ATR: variants seen among roughly 807,000 people sequenced by gnomAD.
ATR encodes ATR checkpoint kinase, also known as serine/threonine-protein kinase ATR.
In ATR, 142 loss-of-function variants were observed where a neutral mutation model predicts 305.3. The observed-to-expected ratio is 0.47, with a 90% CI of 0.41 to 0.53. The LOEUF is 0.53. Ranked by LOEUF, ATR falls within the 20% of genes least tolerant of loss-of-function variation. The pLI is 0.00. For missense variants in ATR, 2,135 were observed against 3,133.1 expected, an observed-to-expected ratio of 0.68 and a Z score of 7.60; for synonymous variants, 1,050 against 1,068.1, an observed-to-expected ratio of 0.98 and a Z score of 0.33.
chr3:142,474,905 A>AT (rs200884364), intron 36 of ATR, among the ~76,000 whole-genome samples: 1 of 150,482 alleles, frequency 6.6e-6, no homozygotes, highest in Non-Finnish European at 1.5e-5. Flanking sequence ...TTCTATACAT[A>AT]TTTTTTTTTT....
At chr3:142,533,189 G>C (rs779413625) in intron 21 of ATR, among the ~76,000 whole-genome samples, 3 of 152,072 alleles carry the variant, frequency 2.0e-5, no homozygotes, top group Non-Finnish European at 4.4e-5. Flanking sequence ...TAGCTACTCA[G>C]GAGGCTGAAG....
intron 1 of ATR, among the ~76,000 whole-genome samples, chr3:142,570,843 C>T (rs1047360877): frequency 1.3e-5 from 2 of 152,142 alleles, no homozygotes; most frequent in African/African-American, 2.4e-5. Context: ...CTGAGAATAG[C>T]GGGTTCTTTC....
intron 16 of ATR, among the ~76,000 whole-genome samples, chr3:142,542,973 C>T (rs2034111078): frequency 1.3e-5 from 2 of 151,834 alleles, no homozygotes; most frequent in African/African-American, 2.4e-5. Context: ...TTATAGTCAC[C>T]ACGAAAAAAT....
rs2071394361 is a variant in ATR at position 142,474,806 on chromosome 3, A to G, written c.6222-4623T>C. Among the ~76,000 whole-genome samples the G allele has an allele frequency of 1.3e-5, 2 of 152,184 alleles. 1 individual carries two copies. Among genetic ancestry groups the G allele is most frequent in the South Asian group, 4.1e-4 (2 of 4,836 alleles). On this transcript the variant is annotated intron_variant, in intron 36 of 46. Coordinates refer to ENST00000350721, the MANE Select transcript of ATR (RefSeq NM_001184.4). Reference sequence around the variant, plus strand: ...GAGTGGGCATCTTTGTCTTAATCTTAGAGGAAAAGCTTTGAACTTTTCACC... The same window carrying G: ...GAGTGGGCATCTTTGTCTTAATCTTGGAGGAAAAGCTTTGAACTTTTCACC...
chr3:142,453,872 C>T (rs1290990998), intron 45 of ATR, among the ~76,000 whole-genome samples: 1 of 152,168 alleles, frequency 6.6e-6, no homozygotes, highest in Non-Finnish European at 1.5e-5. Context: ...TCTCTACGGC[C>T]GTGACACTAT....
chr3:142,488,069 G>C (rs553888600), intron 35 of ATR, among the ~76,000 whole-genome samples: 13 of 152,300 alleles, frequency 8.5e-5, no homozygotes, highest in African/African-American at 3.1e-4. Flanking sequence ...GGCTTCCTGT[G>C]AAGTTCAATC....
At chr3:142,517,788 G>A (rs1278884492) in intron 24 of ATR, among the ~76,000 whole-genome samples, 1 of 152,164 alleles carries the variant, frequency 6.6e-6, no homozygotes, top group Non-Finnish European at 1.5e-5. Context: ...TACTTCTTAT[G>A]AAGTATATGA....
chr3:142,563,851 C>T (rs1191719858), intron 3 of ATR, among the ~76,000 whole-genome samples: 1 of 152,198 alleles, frequency 6.6e-6, no homozygotes, highest in Non-Finnish European at 1.5e-5. Context: ...AAAAGTACTA[C>T]TCCACTGAAC....
intron 21 of ATR, among the ~76,000 whole-genome samples, chr3:142,530,984 T>C (rs1474261174): frequency 6.6e-6 from 1 of 152,196 alleles, no homozygotes; most frequent in African/African-American, 2.4e-5. Context: ...CTTCTTTTTT[T>C]ATACAGTCTC....
intron 46 of ATR, chr3:142,450,096 TG>T: frequency 3.2e-6 from 1 of 313,826 alleles, no homozygotes; most frequent in Non-Finnish European, 5.9e-6. Context: ...TGGTGCTGGG[TG>T]GGCTGGTGGG....
chr3:142,555,518 T>C (rs1360373020), intron 10 of ATR, among the ~76,000 whole-genome samples: 1 of 152,192 alleles, frequency 6.6e-6, no homozygotes, highest in Admixed American at 6.5e-5. Context: ...GTAATTTAAC[T>C]ATTTGAAGTT....
At chr3:142,548,324 T>C (rs1218737194) in intron 15 of ATR, among the ~76,000 whole-genome samples, 2 of 152,178 alleles carry the variant, frequency 1.3e-5, no homozygotes, top group Non-Finnish European at 2.9e-5. Flanking sequence ...ACAAGTTACC[T>C]AATCTAACCT....
intron 18 of ATR, among the ~76,000 whole-genome samples, chr3:142,539,047 A>C (rs1242268148): frequency 3.3e-5 from 5 of 152,188 alleles, no homozygotes; most frequent in Admixed American, 6.6e-5. Context: ...AGAGGGAAAA[A>C]GCAACCCTTA....
At chr3:142,543,919 C>T (rs1473766761) in intron 16 of ATR, among the ~76,000 whole-genome samples, 1 of 152,080 alleles carries the variant, frequency 6.6e-6, no homozygotes. Flanking sequence ...AATCCTCCTG[C>T]TTTGGCCTCT....
chr3:142,475,269 C>T (rs1030706203), intron 36 of ATR, among the ~76,000 whole-genome samples: 1 of 152,046 alleles, frequency 6.6e-6, no homozygotes, highest in Non-Finnish European at 1.5e-5. Context: ...CCACAACAGG[C>T]CCCAGTGTGT....
At position 142,550,150 on chromosome 3, in the gene ATR, A is replaced by G. The variant is rs143919996; in HGVS notation, c.2958T>C (p.Asp986=). Residue 986 remains aspartate, a synonymous_variant, in exon 14 of 47, where the codon GAT becomes GAC. Transcript: ENST00000350721. The part of the protein sequence containing the change: ...SEIANVFDFP[D]LNRFLTRTLQ... ...AACTTACAGTAAGAAAACGATTAAG[A>G]TCAGGAAAGTCGAAAACGTTGGCAA... 4.7e-5 allele frequency: 76 copies of G among 1,614,188 alleles called. No individual in the cohort carries two copies. The highest frequency in any genetic ancestry group is 5.8e-5 in the Non-Finnish European group (69 of 1,180,028).
Position 142,563,126 on chromosome 3 carries a change from A to C in ATR, c.293-17T>G. 3 of 1,593,142 alleles carry C rather than the reference A, an allele frequency of 1.9e-6. No individual in the cohort carries two copies. Among genetic ancestry groups the C allele is most frequent in the Non-Finnish European group, 2.6e-6 (3 of 1,171,814 alleles). ...TACTGAATTCTTTGAAATAAACAAA[A>C]AAGATATTAAATAAACAAGTATATC... On this transcript the variant is annotated splice_polypyrimidine_tract_variant and intron_variant, in intron 3 of 46. Transcript: ENST00000350721.
chr3:142,485,371 T>G (rs2030848819), intron 35 of ATR, 89 bp from the exon 36 acceptor site: 4 of 1,478,068 alleles, frequency 2.7e-6, no homozygotes, highest in Non-Finnish European at 3.7e-6. Context: ...GGATCAAAAG[T>G]ATGTGACCTT....
chr3:142,487,769 G>A (rs1247692459), intron 35 of ATR, among the ~76,000 whole-genome samples: 2 of 152,068 alleles, frequency 1.3e-5, no homozygotes, highest in Non-Finnish European at 2.9e-5. Context: ...AGAAGTTATT[G>A]TTTATTTTAG....
Sources: allele counts gnomAD v4.1 joint callset (sites outside exome capture counted in the v4.1 genomes callset), GRCh38; gene constraint gnomAD v4.1.1; transcripts MANE v1.5; gene names NCBI Gene and HGNC (gene_info 2026-07-23, HGNC 2026-07-21).